Variants in LPCAT2 observed in about 807,000 individuals in gnomAD.
The protein encoded by LPCAT2 is lysophosphatidylcholine acyltransferase 2, also known as 1-AGP acyltransferase 11.
In LPCAT2, 58 loss-of-function variants were observed where a neutral mutation model predicts 64.7. The ratio of observed to expected loss-of-function variants is 0.90; its 90% CI spans 0.73 to 1.12. The LOEUF is 1.12. Among genes scored for constraint, LPCAT2 ranks in the 50% most tolerant of loss-of-function variants. LPCAT2 has a pLI of 0.00. For missense variants in LPCAT2, 579 were observed against 669.8 expected (o/e 0.86, Z 1.50); for synonymous variants, 252 against 245.3 (o/e 1.03, Z -0.26).
At chr16:55,532,316 C>G (rs1159947039) in intron 5 of LPCAT2, 1 of 183,330 alleles carries the variant, frequency 5.5e-6, no homozygotes, top group African/African-American at 2.4e-5. Context: ...CTAAGGTTCA[C>G]CTCTTTTTTA....
chr16:55,509,402 C>A (rs754023480), intron 1 of LPCAT2, 50 bp downstream of exon 1: 1 of 1,284,064 alleles, frequency 7.8e-7, no homozygotes, highest in South Asian at 2.6e-5. Context: ...GGGCCTAGGT[C>A]AGAGGGGGGT....
At chr16:55,532,690 A>T in intron 5 of LPCAT2, 134 bp from the exon 6 acceptor site, 1 of 560,722 alleles carries the variant, frequency 1.8e-6, no homozygotes, top group South Asian at 2.8e-5. Context: ...GGGATTTACC[A>T]ACATTTAGCA....
chr16:55,569,453 G>A (rs1596885488), intron 11 of LPCAT2, among the ~76,000 whole-genome samples: 2 of 152,186 alleles, frequency 1.3e-5, no homozygotes, highest in African/African-American at 4.8e-5. Flanking sequence ...CCAAGAAAGG[G>A]GAAAGCTGCC....
At chr16:55,533,506 G>A (rs1013623492) in intron 6 of LPCAT2, among the ~76,000 whole-genome samples, 2 of 146,500 alleles carry the variant, frequency 1.4e-5, no homozygotes, top group African/African-American at 5.1e-5. Flanking sequence ...CGCTTCCTGG[G>A]TTCAAGTGAT....
chr16:55,581,503 G>A (rs574649067), intron 13 of LPCAT2, among the ~76,000 whole-genome samples: 12 of 152,022 alleles, frequency 7.9e-5, no homozygotes, highest in Admixed American at 2.0e-4. Flanking sequence ...TTTGAGATAC[G>A]GTCTCACTCT....
In LPCAT2 at chr16:55,509,119, G is replaced by C; in HGVS notation, c.-63G>C. 2.4e-6 allele frequency: 3 copies of C among 1,273,994 alleles called. No individual in the cohort carries two copies. The highest frequency in any genetic ancestry group is 3.0e-6 in the Non-Finnish European group (3 of 1,000,556). The allele number at this position is 1,273,994 out of a possible 1,614,324, so 78.9% of individuals were successfully genotyped here. On this transcript the variant is annotated 5_prime_UTR_variant, in exon 1 of 14. Coordinates refer to ENST00000262134, the MANE Select transcript of LPCAT2 (RefSeq NM_017839.5). ...AGGCTGGGACTCTAGTAGGTCTTCG[G>C]CTCAGTTTTGGCTGCAGCGCCCGCG...
At position 55,509,109 on chromosome 16, in the gene LPCAT2, T is replaced by C. The variant is rs1403394156; in HGVS notation, c.-73T>C. ...GCGTCGCCCTAGGCTGGGACTCTAGTAGGTCTTCGGCTCAGTTTTGGCTGC... is the reference window on the plus strand; with the variant it reads ...GCGTCGCCCTAGGCTGGGACTCTAGCAGGTCTTCGGCTCAGTTTTGGCTGC... On this transcript the variant is annotated 5_prime_UTR_variant, in exon 1 of 14. Transcript: ENST00000262134. The C allele has an allele frequency of 3.2e-6, 4 of 1,231,086 alleles. No homozygotes were observed. Among genetic ancestry groups the C allele is most frequent in the African/African-American group, 1.6e-5 (1 of 63,842 alleles). The allele number at this position is 1,231,086 out of a possible 1,614,324, so 76.3% of individuals were successfully genotyped here. A position where few individuals can be genotyped will look rare whatever the true frequency, so the allele number is the denominator to read the frequency against.
intron 11 of LPCAT2, among the ~76,000 whole-genome samples, chr16:55,554,957 C>T (rs565280520): frequency 6.6e-6 from 1 of 152,198 alleles, no homozygotes; most frequent in African/African-American, 2.4e-5. Context: ...ATTAAGTTTG[C>T]CATCTTACAT....
At chr16:55,531,563 G>A (rs569714085) in intron 4 of LPCAT2, among the ~76,000 whole-genome samples, 21 of 152,240 alleles carry the variant, frequency 1.4e-4, no homozygotes, top group African/African-American at 5.1e-4. Flanking sequence ...ATTTGGTTAA[G>A]GATATATAGC....
At chr16:55,530,287 A>G (rs1489170829) in intron 4 of LPCAT2, among the ~76,000 whole-genome samples, 1 of 152,160 alleles carries the variant, frequency 6.6e-6, no homozygotes, top group Non-Finnish European at 1.5e-5. Context: ...ATTATACTAA[A>G]GTATCTCCTA....
At chr16:55,569,622 C>T (rs1224520012) in intron 11 of LPCAT2, among the ~76,000 whole-genome samples, 3 of 152,146 alleles carry the variant, frequency 2.0e-5, no homozygotes, top group African/African-American at 7.2e-5. Context: ...GGTATTATTG[C>T]CCTTGCTTCT....
At chr16:55,559,631 AT>A (rs749617820) in intron 11 of LPCAT2, among the ~76,000 whole-genome samples, 41 of 152,268 alleles carry the variant, frequency 2.7e-4, no homozygotes, top group Non-Finnish European at 4.6e-4. Context: ...AGTCTTCTAT[AT>A]TTTAAGTTTC....
rs1962888136 is a variant in LPCAT2 at position 55,509,321 on chromosome 16, A to G, written c.140A>G (p.Gln47Arg). ...CCGGTGCCGAACCCCTTCGTGCAGC[A>G]GACGCAGATCGGCTCCGCGAGGCGG... is the stretch of plus-strand genomic sequence containing the variant. Reference protein sequence around the residue: ...PPPVPNPFVQQTQIGSARRVQ... With the variant: ...PPPVPNPFVQRTQIGSARRVQ... The change falls in exon 1 of 14, where the codon CAG becomes CGG. Residue 47 changes from glutamine (Q) to arginine (R), a missense_variant. Physicochemically the swap from Gln to Arg is conservative, Grantham distance 43 (BLOSUM62 1). Transcript: ENST00000262134. 3 of 1,478,940 alleles carry G rather than the reference A, an allele frequency of 2.0e-6. No homozygotes were observed. Among genetic ancestry groups the G allele is most frequent in the Middle Eastern group, 1.8e-4 (1 of 5,548 alleles). The allele number at this position is 1,478,940 out of a possible 1,614,324, so 91.6% of individuals were successfully genotyped here. A position where few individuals can be genotyped will look rare whatever the true frequency, so the allele number is the denominator to read the frequency against.
chr16:55,551,180 A>C (rs534233441), intron 11 of LPCAT2, 78 bp downstream of exon 11: 1 of 1,319,258 alleles, frequency 7.6e-7, no homozygotes, highest in Non-Finnish European at 1.0e-6. Flanking sequence ...GGCAATTTGA[A>C]AAACTTGATA....
chr16:55,549,301 T>C lies in LPCAT2; in HGVS notation c.960T>C (p.Asp320=). The C allele has an allele frequency of 6.3e-7, 1 of 1,595,878 alleles. No individual in the cohort carries two copies. The highest frequency in any genetic ancestry group is 8.5e-7 in the Non-Finnish European group (1 of 1,172,938). The change falls in exon 10 of 14, where the codon GAT becomes GAC. Residue 320 remains aspartate (D), a synonymous_variant. Transcript: ENST00000262134. ...GAGCTCTGGGAATACCAGTAACAGATCATACCTATGAAGACTGCAGATTGA... is the reference window on the plus strand; with the variant it reads ...GAGCTCTGGGAATACCAGTAACAGACCATACCTATGAAGACTGCAGATTGA... ...MAEALGIPVT[D]HTYEDCRLMI... is the part of the protein sequence containing the mutation.
chr16:55,583,648 T>C lies in LPCAT2; in HGVS notation c.*550T>C, dbSNP rs1421162408. On this transcript the variant is annotated 3_prime_UTR_variant, in exon 14 of 14. Transcript: ENST00000262134. ...TTAGACGCAGCTTCTTAAGAACTTA[T>C]ATTCTCTTTGACATACATCTCTATT... The C allele has an allele frequency of 6.5e-6, 1 of 152,794 alleles. No individual in the cohort carries two copies. The highest frequency in any genetic ancestry group is 1.5e-5 in the Non-Finnish European group (1 of 68,530). The allele number at this position is 152,794 out of a possible 1,614,324, so 9.5% of individuals were successfully genotyped here.
chr16:55,579,707 T>C (rs553616278), intron 13 of LPCAT2, among the ~76,000 whole-genome samples: 17 of 152,280 alleles, frequency 1.1e-4, no homozygotes, highest in African/African-American at 3.4e-4. Flanking sequence ...GTTGCAACTA[T>C]AGTAAAGGAA....
rs759988130 is a variant in LPCAT2, at chr16:55,537,649, G to A, written c.852+17G>A. Reference sequence around the variant, plus strand: ...GAAGTTGAGGTAAGTCATTCAAAATGTGGCCTTGGAACTTGAGATTTGGCC... The same window carrying A: ...GAAGTTGAGGTAAGTCATTCAAAATATGGCCTTGGAACTTGAGATTTGGCC... On this transcript the variant is annotated intron_variant, in intron 8 of 13. Coordinates refer to ENST00000262134, the MANE Select transcript of LPCAT2 (RefSeq NM_017839.5). The A allele has an allele frequency of 1.9e-6, 3 of 1,612,114 alleles. No homozygotes were observed. The highest frequency in any genetic ancestry group is 2.2e-5 in the South Asian group (2 of 91,006).
At chr16:55,515,363 G>C (rs943382071) in intron 1 of LPCAT2, among the ~76,000 whole-genome samples, 4 of 152,004 alleles carry the variant, frequency 2.6e-5, no homozygotes, top group Non-Finnish European at 4.4e-5. Context: ...AAAGAAGACT[G>C]TCAACAAAGA....
Sources: allele counts gnomAD v4.1 joint callset (sites outside exome capture counted in the v4.1 genomes callset), GRCh38; gene constraint gnomAD v4.1.1; transcripts MANE v1.5; gene names NCBI Gene and HGNC (gene_info 2026-07-23, HGNC 2026-07-21).